PCDHGA7: variants seen among roughly 807,000 people sequenced by gnomAD.
PCDHGA7 encodes the protein protocadherin gamma-A7.
Under a neutral mutation model 58.3 loss-of-function variants are expected in PCDHGA7, and 44 were observed. That is an observed-to-expected ratio of 0.75 (90% CI 0.59 to 0.97). The LOEUF (loss-of-function observed/expected upper bound fraction) is 0.97. Ranked by LOEUF, PCDHGA7 falls within the 50% of genes least tolerant of loss-of-function variation. The pLI is 0.00. For synonymous variants in PCDHGA7, 516 were observed against 504.2 expected, an observed-to-expected ratio of 1.02 and a Z score of -0.31; for missense variants, 1,266 against 1,188.7, an observed-to-expected ratio of 1.06 and a Z score of -0.96.
chr5:141,497,466 G>T (rs1047422582), intron 2 of PCDHGA7, among the ~76,000 whole-genome samples: 2 of 152,020 alleles, frequency 1.3e-5, no homozygotes, highest in African/African-American at 4.8e-5. Flanking sequence ...TGGAGATATG[G>T]AGGAGAAGGT....
intron 3 of PCDHGA7, among the ~76,000 whole-genome samples, chr5:141,506,700 G>GT (rs1446452157): frequency 2.0e-5 from 3 of 152,138 alleles, no homozygotes; most frequent in Admixed American, 1.3e-4. Context: ...ACCCAAACCC[G>GT]TTTTTTACTG....
At chr5:141,386,621 G>T (rs780529864) in intron 1 of PCDHGA7, among the ~76,000 whole-genome samples, 1 of 151,474 alleles carries the variant, frequency 6.6e-6, no homozygotes, top group Non-Finnish European at 1.5e-5. Flanking sequence ...ATGGAGTCTC[G>T]CTCTGTCACC....
At chr5:141,499,127 A>G (rs1198571084) in intron 2 of PCDHGA7, among the ~76,000 whole-genome samples, 1 of 152,134 alleles carries the variant, frequency 6.6e-6, no homozygotes, top group Non-Finnish European at 1.5e-5. Flanking sequence ...TTCTCAGGTC[A>G]TCCTTTGGGT....
intron 1 of PCDHGA7, among the ~76,000 whole-genome samples, chr5:141,473,611 G>C (rs2099325261): frequency 6.6e-6 from 1 of 152,140 alleles, no homozygotes; most frequent in Non-Finnish European, 1.5e-5. Context: ...GCAAAGCAAA[G>C]GGAGGGAGGA....
rs757924501 is a variant in PCDHGA7, at chr5:141,490,548, A to G, written c.2425-4259A>G. 1.2e-6 allele frequency: 2 copies of G among 1,614,084 alleles called. No individual in the cohort carries two copies. Among genetic ancestry groups the G allele is most frequent in the South Asian group, 2.2e-5 (2 of 91,080 alleles). ...ATGCTGGTTCACCTTCCCTACACAA[A>G]CATCTCACCATCAGGCTCAACATTT... On this transcript the variant is annotated intron_variant, in intron 1 of 3. Transcript: ENST00000518325. This position sits in a 1 kb window ranked among gnomAD's most constrained non-coding sequence, Gnocchi z 5.4.
intron 1 of PCDHGA7, chr5:141,409,421 G>C (rs1381290106): frequency 6.2e-7 from 1 of 1,614,044 alleles, no homozygotes; most frequent in South Asian, 1.1e-5. Context: ...ACTGGTGACA[G>C]ATGGAGCCCT....
At chr5:141,393,388 C>G (rs775991086) in intron 1 of PCDHGA7, 7 of 1,613,992 alleles carry the variant, frequency 4.3e-6, no homozygotes, top group Non-Finnish European at 5.9e-6. Context: ...GCCATAAACC[C>G]AGAGCTGGTG....
At position 141,383,377 on chromosome 5, in the gene PCDHGA7, C is replaced by G. The variant is rs527434740; in HGVS notation, c.478C>G (p.Pro160Ala). ...VRFPLSEAGDPDVGTNSLQSY... is the reference protein window; with the variant it reads ...VRFPLSEAGDADVGTNSLQSY... ...GTTTCCGTTAAGCGAGGCTGGGGATCCAGATGTGGGCACGAACTCCCTCCA... is the reference window on the plus strand; with the variant it reads ...GTTTCCGTTAAGCGAGGCTGGGGATGCAGATGTGGGCACGAACTCCCTCCA... Residue 160 changes from proline (P) to alanine (A), a missense_variant, in exon 1 of 4, where the codon CCA becomes GCA. By Grantham distance (27) the Pro-to-Ala change is conservative. Coordinates refer to ENST00000518325, the MANE Select transcript of PCDHGA7 (RefSeq NM_018920.4). 6.2e-7 allele frequency: 1 copy of G among 1,614,010 alleles called. No individual in the cohort carries two copies. The highest frequency in any genetic ancestry group is 1.3e-5 in the African/African-American group (1 of 75,064).
intron 1 of PCDHGA7, chr5:141,427,369 C>T (rs1333238163): frequency 4.4e-6 from 2 of 457,834 alleles, no homozygotes; most frequent in Non-Finnish European, 8.8e-6. Flanking sequence ...GAACCCTGGA[C>T]GGTGATCACT....
intron 1 of PCDHGA7, chr5:141,408,296 C>T (rs2154539952): frequency 1.2e-6 from 2 of 1,613,550 alleles, no homozygotes; most frequent in Non-Finnish European, 1.7e-6. Flanking sequence ...CCTGAGTGAG[C>T]CGATCCGCTA....
intron 1 of PCDHGA7, chr5:141,426,449 G>A (rs1449929836): frequency 1.6e-5 from 5 of 307,646 alleles, no homozygotes; most frequent in East Asian, 8.0e-5. Flanking sequence ...GAGGACATGC[G>A]GCTGCATGTT....
intron 1 of PCDHGA7, chr5:141,389,471 A>G: frequency 6.2e-7 from 1 of 1,613,210 alleles, no homozygotes; most frequent in Non-Finnish European, 8.5e-7. Flanking sequence ...TCGAACTCAC[A>G]CTGCAGGCCC....
chr5:141,401,109 C>G (rs1389316272), intron 1 of PCDHGA7, among the ~76,000 whole-genome samples: 2 of 152,012 alleles, frequency 1.3e-5, no homozygotes, highest in African/African-American at 2.4e-5. Flanking sequence ...TTTGGGAGGC[C>G]GAGGCGGTTG....
At chr5:141,464,227 T>C (rs539811399) in intron 1 of PCDHGA7, among the ~76,000 whole-genome samples, 58 of 147,282 alleles carry the variant, frequency 3.9e-4, no homozygotes, top group Admixed American at 2.5e-3. Flanking sequence ...ATTGCGCCAC[T>C]GCACTCCAGC....
chr5:141,397,573 T>C (rs1196804839), intron 1 of PCDHGA7, among the ~76,000 whole-genome samples: 1 of 152,212 alleles, frequency 6.6e-6, no homozygotes, highest in African/African-American at 2.4e-5. Flanking sequence ...GAGCAAGAAC[T>C]GTATCATATT....
Position 141,490,896 on chromosome 5 carries a change from G to A in PCDHGA7, c.2425-3911G>A. 6.2e-7 allele frequency: 1 copy of A among 1,613,938 alleles called. No homozygotes were observed. Among genetic ancestry groups the A allele is most frequent in the Non-Finnish European group, 8.5e-7 (1 of 1,179,922 alleles). ...TGCATGCCAACACATCTCTGCATGTGTTTGTCCTAGACGAGAATGATAATG... is the reference window on the plus strand; with the variant it reads ...TGCATGCCAACACATCTCTGCATGTATTTGTCCTAGACGAGAATGATAATG... On this transcript the variant is annotated intron_variant, in intron 1 of 3. Coordinates refer to ENST00000518325, the MANE Select transcript of PCDHGA7 (RefSeq NM_018920.4). This position sits in a 1 kb window ranked among gnomAD's most constrained non-coding sequence, Gnocchi z 5.4.
chr5:141,504,161 T>C (rs931754061), intron 2 of PCDHGA7, among the ~76,000 whole-genome samples: 1 of 152,196 alleles, frequency 6.6e-6, no homozygotes, highest in Non-Finnish European at 1.5e-5. Context: ...AATAATTTCA[T>C]CCTTGGAAAT....
At chr5:141,402,534 TAC>T (rs2094278313) in intron 1 of PCDHGA7, among the ~76,000 whole-genome samples, 1 of 152,346 alleles carries the variant, frequency 6.6e-6, no homozygotes, top group Non-Finnish European at 1.5e-5. Context: ...GATTTTATAA[TAC>T]ACTTACAGAA....
In PCDHGA7 at chr5:141,477,080, A is replaced by G; in HGVS notation, c.2425-17727A>G. 1.9e-6 allele frequency: 3 copies of G among 1,614,254 alleles called. No homozygotes were observed. The highest frequency in any genetic ancestry group is 2.5e-6 in the Non-Finnish European group (3 of 1,180,042). ...GGACACCAAACTCCATGAGATTTAC[A>G]TCCAGGCCAAAGACAAGGGCGCCAA... On this transcript the variant is annotated intron_variant, in intron 1 of 3. Coordinates refer to ENST00000518325, the MANE Select transcript of PCDHGA7 (RefSeq NM_018920.4). The surrounding 1 kb of genome is among the most constrained non-coding windows in gnomAD (Gnocchi z 4.9).
Sources: gnomAD v4.1 joint callset for allele counts (sites outside exome capture counted in the v4.1 genomes callset) on GRCh38, gnomAD v4.1.1 for gene constraint, Gnocchi (gnomAD v3.1) non-coding constraint, MANE v1.5 for transcripts, NCBI Gene and HGNC (gene_info 2026-07-23, HGNC 2026-07-21) for gene names.